Variants in PCDH17 observed in about 807,000 individuals in gnomAD.
The protein encoded by PCDH17 is protocadherin 17, also known as protocadherin-17.
Under a neutral mutation model 67.7 loss-of-function variants are expected in PCDH17, and 21 were observed. That is an observed-to-expected ratio of 0.31 (90% CI 0.22 to 0.45). PCDH17 has a LOEUF of 0.45. Among genes scored for constraint, PCDH17 ranks in the 20% least tolerant of loss-of-function variants. The pLI is 1.00. For missense variants in PCDH17, 1,471 were observed against 1,564.8 expected, an observed-to-expected ratio of 0.94 and a Z score of 1.01; for synonymous variants, 701 against 656.7, an observed-to-expected ratio of 1.07 and a Z score of -1.03.
At chr13:57,715,683 C>G (rs140301672) in intron 3 of PCDH17, among the ~76,000 whole-genome samples, 2 of 151,926 alleles carry the variant, frequency 1.3e-5, no homozygotes, top group African/African-American at 4.8e-5. Context: ...TTCTGAGATT[C>G]ATCCATCTTA....
intron 3 of PCDH17, among the ~76,000 whole-genome samples, chr13:57,679,033 A>G (rs1955422254): frequency 6.6e-6 from 1 of 151,518 alleles, no homozygotes; most frequent in African/African-American, 2.4e-5. Flanking sequence ...GTGTAGTGAA[A>G]TATCTGAATA....
At chr13:57,647,651 T>G (rs1954981047) in intron 1 of PCDH17, among the ~76,000 whole-genome samples, 1 of 151,846 alleles carries the variant, frequency 6.6e-6, no homozygotes. Context: ...AAGAAACTTT[T>G]GTTTATTAGC....
intron 3 of PCDH17, among the ~76,000 whole-genome samples, chr13:57,680,913 CT>C (rs1378133471): frequency 2.0e-5 from 3 of 151,618 alleles, no homozygotes; most frequent in Admixed American, 6.6e-5. Flanking sequence ...TAATGAAATT[CT>C]TAAGAGTATA....
chr13:57,716,359 T>G (rs1955816448), intron 3 of PCDH17, among the ~76,000 whole-genome samples: 1 of 152,026 alleles, frequency 6.6e-6, no homozygotes, highest in Non-Finnish European at 1.5e-5. Flanking sequence ...GCAAATTTTC[T>G]CTACATTGTT....
At chr13:57,711,479 A>G (rs960570978) in intron 3 of PCDH17, among the ~76,000 whole-genome samples, 6 of 151,844 alleles carry the variant, frequency 4.0e-5, no homozygotes, top group Admixed American at 6.6e-5. Flanking sequence ...TTTTTTAATC[A>G]TGTGTATGAA....
chr13:57,725,285 G>A lies in PCDH17; in HGVS notation c.3471G>A (p.Val1157=), dbSNP rs1593955652. ...GCCGGGGAAACGACCCTGTGGCTGTGAGAAAGTGAAAAAAGAAAAAAAAAA... is the reference window on the plus strand; with the variant it reads ...GCCGGGGAAACGACCCTGTGGCTGTAAGAAAGTGAAAAAAGAAAAAAAAAA... ...QDCRGNDPVA[V]RK The change falls in exon 4 of 4, where the codon GTG becomes GTA. Residue 1157 remains valine (V), a synonymous_variant. Transcript: ENST00000377918. 3.9e-6 allele frequency: 6 copies of A among 1,555,696 alleles called. No individual in the cohort carries two copies. The highest frequency in any genetic ancestry group is 2.3e-5 in the East Asian group (1 of 44,282).
intron 3 of PCDH17, among the ~76,000 whole-genome samples, chr13:57,677,275 T>C (rs1296175072): frequency 8.6e-5 from 13 of 151,870 alleles, no homozygotes; most frequent in Admixed American, 8.6e-4. Flanking sequence ...ATGAAATATA[T>C]ATTGAAAATA....
At chr13:57,657,280 G>C (rs1955117673) in intron 1 of PCDH17, among the ~76,000 whole-genome samples, 1 of 152,036 alleles carries the variant, frequency 6.6e-6, no homozygotes, top group Non-Finnish European at 1.5e-5. Context: ...TAATTTAAAG[G>C]AATGCTGGTT....
chr13:57,694,823 C>T (rs1444915473), intron 3 of PCDH17, among the ~76,000 whole-genome samples: 1 of 150,946 alleles, frequency 6.6e-6, no homozygotes, highest in Non-Finnish European at 1.5e-5. Context: ...TCAGAGAGAT[C>T]GTATGTAGGC....
In PCDH17 at chr13:57,632,875, C is replaced by T. The variant is rs770729682; in HGVS notation, c.329C>T (p.Ala110Val). 1.2e-6 allele frequency: 2 copies of T among 1,614,022 alleles called. No homozygotes were observed. Among genetic ancestry groups the T allele is most frequent in the South Asian group, 2.2e-5 (2 of 91,078 alleles). Residue 110 changes from alanine (A) to valine (V), a missense_variant, in exon 1 of 4, where the codon GCC becomes GTC. This residue lies in a region of PCDH17 where 1,163 missense variants were observed against 1,230.0 expected (regional missense o/e 0.95). Transcript: ENST00000377918. ...AKCQLSLEVF[A>V]NDKEICMIKV... ...TGCCAGCTGTCCCTCGAGGTGTTCG[C>T]CAACGACAAGGAGATCTGCATGATC...
At chr13:57,708,598 TAAACAC>T (rs1396573122) in intron 3 of PCDH17, among the ~76,000 whole-genome samples, 1 of 151,832 alleles carries the variant, frequency 6.6e-6, no homozygotes, top group Non-Finnish European at 1.5e-5. Context: ...ACACACAAAT[TAAACAC>T]AAAGCCAGGG....
At chr13:57,708,171 T>A (rs147839529) in intron 3 of PCDH17, among the ~76,000 whole-genome samples, 114 of 152,174 alleles carry the variant, frequency 7.5e-4, no homozygotes, top group African/African-American at 2.5e-3. Context: ...AGATATTGAC[T>A]ACTGAGTTTG....
At chr13:57,645,626 G>A (rs1402340372) in intron 1 of PCDH17, among the ~76,000 whole-genome samples, 1 of 151,050 alleles carries the variant, frequency 6.6e-6, no homozygotes, top group Non-Finnish European at 1.5e-5. Flanking sequence ...GAGAAAGACA[G>A]GTGATCAAGT....
chr13:57,695,726 C>T (rs1163638414), intron 3 of PCDH17, among the ~76,000 whole-genome samples: 1 of 151,250 alleles, frequency 6.6e-6, no homozygotes, highest in Admixed American at 6.6e-5. Context: ...TACAAAATTG[C>T]CACTACCACG....
At chr13:57,667,380 G>A (rs1419195052) in intron 3 of PCDH17, among the ~76,000 whole-genome samples, 2 of 151,910 alleles carry the variant, frequency 1.3e-5, no homozygotes, top group Admixed American at 6.6e-5. Context: ...GGGTAATAAA[G>A]CAATGTGTCT....
chr13:57,696,670 G>C (rs905176659), intron 3 of PCDH17, among the ~76,000 whole-genome samples: 5 of 151,302 alleles, frequency 3.3e-5, no homozygotes, highest in African/African-American at 1.2e-4. Context: ...AATTTATTTT[G>C]TCATTTACAT....
At chr13:57,631,289 C>G (rs1372237259), upstream of PCDH17, among the ~76,000 whole-genome samples, 1 of 152,124 alleles carries the variant, frequency 6.6e-6, no homozygotes. Flanking sequence ...CTTGACAGCC[C>G]AGCCCTGTGA....
intron 3 of PCDH17, among the ~76,000 whole-genome samples, chr13:57,674,358 G>A (rs900933394): frequency 2.0e-5 from 3 of 151,672 alleles, no homozygotes; most frequent in Non-Finnish European, 2.9e-5. Context: ...ACAGGGTCTC[G>A]TTCTGTTGCC....
Position 57,632,097 on chromosome 13 carries a change from T to G in PCDH17, c.-450T>G, listed in dbSNP as rs977618218. ...TCGATGTGAAGAGTATTCCGGAGTC[T>G]CCGGGCGGGAGTAGATTTGCAGCAC... On this transcript the variant is annotated 5_prime_UTR_variant, in exon 1 of 4. Transcript: ENST00000377918. 6.4e-5 allele frequency: 14 copies of G among 217,930 alleles called. No individual in the cohort carries two copies. Among genetic ancestry groups the G allele is most frequent in the African/African-American group, 2.8e-4 (12 of 42,206 alleles). The allele number at this position is 217,930 out of a possible 1,614,324, so 13.5% of individuals were successfully genotyped here.
Sources: gnomAD v4.1 joint callset for allele counts (sites outside exome capture counted in the v4.1 genomes callset) on GRCh38, gnomAD v4.1.1 for gene constraint, gnomAD v4.1.1 regional missense constraint, MANE v1.5 for transcripts, NCBI Gene and HGNC (gene_info 2026-07-23, HGNC 2026-07-21) for gene names.